ASXL2: variants seen among roughly 807,000 people sequenced by gnomAD.
The protein encoded by ASXL2 is putative Polycomb group protein ASXL2.
In ASXL2, 23 loss-of-function variants were observed where a neutral mutation model predicts 122.0. The ratio of observed to expected loss-of-function variants is 0.19; its 90% CI spans 0.14 to 0.27. The LOEUF is 0.27. ASXL2 is among the 10% of genes least tolerant of loss of function. The probability of loss-of-function intolerance (pLI) is 1.00; values close to 1 mark genes in which losing one functional copy is unlikely to be tolerated. For synonymous variants in ASXL2, 650 were observed against 637.0 expected (o/e 1.02, Z -0.31); for missense variants, 1,518 against 1,713.8 (o/e 0.89, Z 2.02).
Position 25,765,671 on chromosome 2 carries a change from A to G in ASXL2, c.775+1912T>C, listed in dbSNP as rs80052061. 8.4e-3 allele frequency among the ~76,000 whole-genome samples: 1,286 copies of G among 152,246 alleles called. 10 individuals carry two copies. Among genetic ancestry groups the G allele is most frequent in the African/African-American group, 0.03 (1,252 of 41,540 alleles). ...GGTTAATTTTTCCTAGTTTTCCATG[A>G]AAGTTAAAAATTCCTGGTCCATAAT... On this transcript the variant is annotated intron_variant, in intron 8 of 12. Coordinates refer to ENST00000435504, the MANE Select transcript of ASXL2 (RefSeq NM_018263.6).
chr2:25,816,314 C>T (rs778482289), intron 3 of ASXL2, among the ~76,000 whole-genome samples: 2 of 152,074 alleles, frequency 1.3e-5, no homozygotes, highest in Non-Finnish European at 2.9e-5. Context: ...AGGTTCCAGG[C>T]GTTAAAAGCC....
rs534941438 is a variant in ASXL2 at position 25,737,367 on chromosome 2, G to A, written c.*4662C>T. On this transcript the variant is annotated 3_prime_UTR_variant, in exon 13 of 13. Transcript: ENST00000435504. ...ATTTCCTTACCATTCTTTGATTTAG[G>A]AGCAAACAATGGGCACATTAATAAA... 7 of 151,966 alleles carry A rather than the reference G, an allele frequency of 4.6e-5. No individual in the cohort carries two copies. In the South Asian group the frequency reaches 1.2e-3, roughly 27 times the overall value. The allele number at this position is 151,966 out of a possible 1,614,324, so 9.4% of individuals were successfully genotyped here.
chr2:25,832,125 A>T (rs1485201022), intron 3 of ASXL2, among the ~76,000 whole-genome samples: 2 of 152,224 alleles, frequency 1.3e-5, no homozygotes, highest in Non-Finnish European at 2.9e-5. Flanking sequence ...CACCAGGAAG[A>T]AAAAACAGAA....
At chr2:25,807,136 T>G (rs943886750) in intron 3 of ASXL2, among the ~76,000 whole-genome samples, 2 of 152,232 alleles carry the variant, frequency 1.3e-5, no homozygotes, top group African/African-American at 4.8e-5. Flanking sequence ...AACCGTGGTC[T>G]GAAGTCTCTG....
intron 4 of ASXL2, 67 bp downstream of exon 4, chr2:25,806,162 G>T (rs2089077999): frequency 2.0e-6 from 2 of 1,004,540 alleles, no homozygotes; most frequent in East Asian, 2.6e-5. Context: ...GTCCCTACGA[G>T]TCAAATATTT....
intron 3 of ASXL2, chr2:25,822,532 C>T (rs2089324535): frequency 6.2e-6 from 3 of 483,766 alleles, no homozygotes; most frequent in Non-Finnish European, 1.2e-5. Context: ...ATTCTGTGAA[C>T]ACAGTAAGGA....
chr2:25,784,766 T>A (rs2088709764), intron 5 of ASXL2, among the ~76,000 whole-genome samples: 1 of 152,232 alleles, frequency 6.6e-6, no homozygotes, highest in Non-Finnish European at 1.5e-5. Context: ...GACACTAGTC[T>A]TAGTGGACTA....
chr2:25,742,737 C>A lies in ASXL2; in HGVS notation c.3600G>T (p.Gln1200His). The A allele has an allele frequency of 6.2e-6, 10 of 1,613,956 alleles. No homozygotes were observed. Among genetic ancestry groups the A allele is most frequent in the Non-Finnish European group, 8.5e-6 (10 of 1,179,878 alleles). The change falls in exon 13 of 13, where the codon CAG becomes CAT. Residue 1200 changes from glutamine (Q) to histidine (H), a missense_variant. Gln to His is a conservative substitution (Grantham distance 24, BLOSUM62 0). Coordinates refer to ENST00000435504, the MANE Select transcript of ASXL2 (RefSeq NM_018263.6). ...CACCCTTGCCAGCACTCTGGGAAAC[C>A]TGGGGCTCCTCTTTCACTGTGACAG... The part of the protein sequence containing the change: ...QESVTVKEEP[Q>H]VSQSAGKGDT...
chr2:25,772,758 G>T (rs919467545), intron 5 of ASXL2, among the ~76,000 whole-genome samples: 2 of 130,424 alleles, frequency 1.5e-5, no homozygotes, highest in African/African-American at 2.8e-5. Flanking sequence ...AAAAAAAAAG[G>T]TACATACGTT....
Position 25,753,598 on chromosome 2 carries a change from T to G in ASXL2, c.1078A>C (p.Ile360Leu), listed in dbSNP as rs2088083821. 6 of 1,613,644 alleles carry G rather than the reference T, an allele frequency of 3.7e-6. No homozygotes were observed. The Admixed American group carries it at 5.0e-5, about 13-fold the overall frequency. Reference protein sequence around the residue: ...PEMQVRIRQEIEKEKKVEPWK... With the variant: ...PEMQVRIRQELEKEKKVEPWK... ...GGCTCCACTTTTTTCTCCTTCTCAA[T>G]CTCTTGTCGAATTCTCACCTGCATC... The change falls in exon 11 of 13, where the codon ATT (isoleucine) becomes CTT (leucine). Residue 360 changes from isoleucine (I) to leucine (L), a missense_variant. Transcript: ENST00000435504.
chr2:25,759,623 A>G lies in ASXL2; in HGVS notation c.798T>C (p.Cys266=), dbSNP rs775467702. ...LHTRQMKRTK[C]ADIDVETPDS... ...CCGGTGTCTCAACGTCAATGTCAGC[A>G]CATTTAGTTCTTTTCATTTGTCCTA... Residue 266 remains cysteine, a synonymous_variant, in exon 9 of 13, where the codon TGT becomes TGC. Coordinates refer to ENST00000435504, the MANE Select transcript of ASXL2 (RefSeq NM_018263.6). 1.2e-6 allele frequency: 2 copies of G among 1,613,114 alleles called. No homozygotes were observed. Among genetic ancestry groups the G allele is most frequent in the Admixed American group, 3.3e-5 (2 of 60,006 alleles).
In ASXL2 at chr2:25,819,201, G is replaced by A. The variant is rs938348207; in HGVS notation, c.144-12864C>T. Among the ~76,000 whole-genome samples, 12 of 152,264 alleles carry A rather than the reference G, an allele frequency of 7.9e-5. No homozygotes were observed. In the South Asian group the frequency reaches 8.3e-4, roughly 11 times the overall value. On this transcript the variant is annotated intron_variant, in intron 3 of 12. Transcript: ENST00000435504. ...CTGACCAACGCTCTGCTGCATTGCC[G>A]AGGATCAGGTAAAGCCGTGCTCAGA...
At chr2:25,779,494 A>G (rs1466301016) in intron 5 of ASXL2, among the ~76,000 whole-genome samples, 2 of 152,144 alleles carry the variant, frequency 1.3e-5, no homozygotes, top group African/African-American at 4.8e-5. Flanking sequence ...ATATAGTTTC[A>G]AAGAAACCAT....
At chr2:25,856,134 G>A (rs2089774183) in intron 1 of ASXL2, among the ~76,000 whole-genome samples, 1 of 151,346 alleles carries the variant, frequency 6.6e-6, no homozygotes, top group African/African-American at 2.4e-5. Context: ...TCGGGTCACT[G>A]CAACCTCCGC....
chr2:25,767,843 T>G, intron 7 of ASXL2, 117 bp from the exon 8 acceptor site: 2 of 1,173,306 alleles, frequency 1.7e-6, no homozygotes, highest in Non-Finnish European at 2.4e-6. Context: ...TGACCCTCCC[T>G]AATGTGTTTT....
intron 3 of ASXL2, chr2:25,810,061 AG>A (rs750648490): frequency 2.7e-5 from 15 of 553,696 alleles, no homozygotes; most frequent in East Asian, 2.4e-4. Context: ...CAGCAAACTC[AG>A]CACAGGTCTC....
intron 5 of ASXL2, among the ~76,000 whole-genome samples, chr2:25,795,288 AATGAAAAG>A (rs1407308857): frequency 6.6e-6 from 1 of 152,240 alleles, no homozygotes; most frequent in Non-Finnish European, 1.5e-5. Context: ...AAAAGGAATA[AATGAAAAG>A]CAGCTCAAAA....
chr2:25,810,115 G>A (rs1350637649), intron 3 of ASXL2: 5 of 552,686 alleles, frequency 9.0e-6, no homozygotes, highest in African/African-American at 5.7e-5. Flanking sequence ...TCTCTTCCAC[G>A]TTTGTCTTCT....
At chr2:25,845,664 C>A (rs887143146) in intron 1 of ASXL2, 101 bp from the exon 2 acceptor site, 1 of 451,108 alleles carries the variant, frequency 2.2e-6, no homozygotes, top group Non-Finnish European at 3.4e-6. Flanking sequence ...AAATTAATAA[C>A]CCAATTATTC....
Sources: gnomAD v4.1 joint callset for allele counts (sites outside exome capture counted in the v4.1 genomes callset) on GRCh38, gnomAD v4.1.1 for gene constraint, MANE v1.5 for transcripts, NCBI Gene and HGNC (gene_info 2026-07-23, HGNC 2026-07-21) for gene names.